ITK: variants seen among roughly 807,000 people sequenced by gnomAD.
The protein encoded by ITK is IL2 inducible T cell kinase.
ITK carries 45 observed loss-of-function variants against 87.6 expected under a neutral mutation model. The observed-to-expected ratio is 0.51, with a 90% CI of 0.40 to 0.66. The LOEUF (loss-of-function observed/expected upper bound fraction) is 0.66, where lower values mean the gene tolerates loss of function less well. ITK is among the 30% of genes least tolerant of loss of function. ITK has a pLI of 0.00. For missense variants in ITK, 605 were observed against 766.3 expected (o/e 0.79, Z 2.48); for synonymous variants, 303 against 273.6 (o/e 1.11, Z -1.06).
At chr5:157,200,576 A>G (rs890436086) in intron 1 of ITK, among the ~76,000 whole-genome samples, 2 of 152,190 alleles carry the variant, frequency 1.3e-5, no homozygotes, top group Non-Finnish European at 2.9e-5. Flanking sequence ...TTTACCAAGT[A>G]TTGGATCTTG....
intron 5 of ITK, among the ~76,000 whole-genome samples, chr5:157,219,113 CT>C (rs397884045): frequency 0.24 from 33,069 of 136,270 alleles, 4,070 homozygotes; most frequent in Admixed American, 0.31. Flanking sequence ...ACTTTTCTTT[CT>C]TTTTTTTTTT....
rs1280975705 is a variant in ITK at position 157,243,748 on chromosome 5, G to A, written c.1186G>A (p.Gly396Arg). The A allele has an allele frequency of 6.2e-7, 1 of 1,613,986 alleles. No homozygotes were observed. Among genetic ancestry groups the A allele is most frequent in the African/African-American group, 1.3e-5 (1 of 74,880 alleles). The change falls in exon 12 of 17, where the codon GGG becomes AGG. Residue 396 changes from glycine to arginine, a missense_variant. Gly to Arg is a moderately radical substitution (Grantham distance 125). This residue lies in a region of ITK where 464 missense variants were observed against 578.0 expected (regional missense o/e 0.80). Coordinates refer to ENST00000422843, the MANE Select transcript of ITK (RefSeq NM_005546.4). ...DKVAIKTIRE[G>R]AMSEEDFIEE... ...GGTGGCTATCAAAACCATTCGGGAA[G>A]GGGCTATGTCAGAAGAGGACTTCAT...
At position 157,237,995 on chromosome 5, in the gene ITK, C is replaced by T. The variant is rs182224139; in HGVS notation, c.769-114C>T. On this transcript the variant is annotated intron_variant, in intron 8 of 16. Transcript: ENST00000422843. ...GTAGCCATTCTTACTGAAATCTGCT[C>T]TATGCCAAGTGGGCCTACAGTATTT... 50 of 762,328 alleles carry T rather than the reference C, an allele frequency of 6.6e-5. No individual in the cohort carries two copies. The African/African-American group carries it at 6.6e-4, about 10-fold the overall frequency. The allele number at this position is 762,328 out of a possible 1,614,324, so 47.2% of individuals were successfully genotyped here. A position where few individuals can be genotyped will look rare whatever the true frequency, so the allele number is the denominator to read the frequency against.
chr5:157,223,061 G>T, intron 6 of ITK, 47 bp downstream of exon 6: 1 of 1,608,160 alleles, frequency 6.2e-7, no homozygotes, highest in South Asian at 1.1e-5. Context: ...GGTGTGGTGC[G>T]AACAAATAAA....
At chr5:157,241,158 G>A in intron 10 of ITK, 1 of 155,906 alleles carries the variant, frequency 6.4e-6, no homozygotes, top group Non-Finnish European at 1.4e-5. Flanking sequence ...GGCTGGTCTT[G>A]AACTCCTGAC....
chr5:157,209,316 G>A (rs141327494), intron 2 of ITK, among the ~76,000 whole-genome samples: 192 of 145,622 alleles, frequency 1.3e-3, no homozygotes, highest in Non-Finnish European at 2.2e-3. Context: ...AGGCAACAGA[G>A]TGAGACTCCG....
chr5:157,251,983 C>T (rs957190082), intron 16 of ITK, among the ~76,000 whole-genome samples: 9 of 151,916 alleles, frequency 5.9e-5, no homozygotes, highest in African/African-American at 1.9e-4. Flanking sequence ...TTTGCCTCTC[C>T]GTATAAATGT....
rs115876242 is a variant in ITK at position 157,183,331 on chromosome 5, C to A, written c.138+2216C>A. On this transcript the variant is annotated intron_variant, in intron 1 of 16. Transcript: ENST00000422843. ...AACATTTTCATTTTTAAATTAAAGG[C>A]TTCATTTTCAATCTGTAAAATGGGT... Among the ~76,000 whole-genome samples, 195 of 152,184 alleles carry A rather than the reference C, an allele frequency of 1.3e-3. 1 individual carries two copies. The highest frequency in any genetic ancestry group is 4.6e-3 in the African/African-American group (190 of 41,514).
chr5:157,188,098 G>A (rs568253380), intron 1 of ITK, among the ~76,000 whole-genome samples: 4 of 152,196 alleles, frequency 2.6e-5, no homozygotes, highest in African/African-American at 9.6e-5. Context: ...ACCATGCCTC[G>A]CCATGCAGAT....
chr5:157,233,956 TATATATA>T (rs1355862687), intron 8 of ITK, among the ~76,000 whole-genome samples: 2 of 30,312 alleles, frequency 6.6e-5, no homozygotes, highest in African/African-American at 2.3e-4. Context: ...TATATATATA[TATATATA>T]TTTTTTTTTT....
intron 1 of ITK, among the ~76,000 whole-genome samples, chr5:157,198,913 C>T (rs1325714028): frequency 6.6e-6 from 1 of 152,098 alleles, no homozygotes; most frequent in Non-Finnish European, 1.5e-5. Context: ...CGGGCATGTG[C>T]CACCACACCT....
chr5:157,197,240 A>G (rs1387229095), intron 1 of ITK, among the ~76,000 whole-genome samples: 1 of 152,156 alleles, frequency 6.6e-6, no homozygotes, highest in Non-Finnish European at 1.5e-5. Flanking sequence ...TTGAACCCCC[A>G]TGGATACAGA....
chr5:157,202,370 T>A (rs940292548), intron 1 of ITK, among the ~76,000 whole-genome samples: 1 of 152,122 alleles, frequency 6.6e-6, no homozygotes, highest in African/African-American at 2.4e-5. Context: ...TGCACCATCA[T>A]GCCCAGCTAA....
chr5:157,191,768 CTTATCTG>C (rs1753757984), intron 1 of ITK, among the ~76,000 whole-genome samples: 1 of 152,064 alleles, frequency 6.6e-6, no homozygotes. Flanking sequence ...AATAGGTGAA[CTTATCTG>C]TTAGCTATGG....
In ITK at chr5:157,252,664, G is replaced by T. The variant is rs571357595; in HGVS notation, c.1849G>T (p.Glu617Ter). ...RLLRQLAEIA[E>*]SGL ...GCTGCGTCAACTGGCTGAAATTGCA[G>T]AATCAGGACTTTAGTAGAGACTGAG... Residue 617 changes from glutamate (E) to a stop codon, truncating the protein, a stop_gained, in exon 17 of 17, where the codon GAA becomes TAA. Transcript: ENST00000422843. LOFTEE classifies it high-confidence loss of function. The T allele has an allele frequency of 6.2e-7, 1 of 1,613,516 alleles. No homozygotes were observed. Among genetic ancestry groups the T allele is most frequent in the African/African-American group, 1.3e-5 (1 of 75,036 alleles).
rs1036346761 is a variant in ITK at position 157,255,084 on chromosome 5, T to A, written c.*2406T>A. 2 of 195,166 alleles carry A rather than the reference T, an allele frequency of 1.0e-5. No individual in the cohort carries two copies. Among genetic ancestry groups the A allele is most frequent in the Non-Finnish European group, 1.1e-5 (1 of 93,796 alleles). The allele number at this position is 195,166 out of a possible 1,614,324, so 12.1% of individuals were successfully genotyped here. ...GTACAGTCACTGCTAGTGTTCAAAA[T>A]AAAAATGTTACAAATACCTGTTATC... On this transcript the variant is annotated 3_prime_UTR_variant, in exon 17 of 17. Transcript: ENST00000422843.
intron 4 of ITK, among the ~76,000 whole-genome samples, chr5:157,217,623 C>A (rs1382079583): frequency 6.6e-6 from 1 of 152,122 alleles, no homozygotes; most frequent in African/African-American, 2.4e-5. Context: ...CGAATATGGA[C>A]TTCTGGAAGC....
At chr5:157,201,456 C>G (rs907717989) in intron 1 of ITK, among the ~76,000 whole-genome samples, 1 of 151,936 alleles carries the variant, frequency 6.6e-6, no homozygotes, top group African/African-American at 2.4e-5. Context: ...TACCACCATG[C>G]CTGGCTAATT....
intron 1 of ITK, among the ~76,000 whole-genome samples, chr5:157,198,079 G>A (rs1446642315): frequency 2.7e-5 from 4 of 150,624 alleles, no homozygotes; most frequent in African/African-American, 4.9e-5. Context: ...GAGACCAGGA[G>A]TTCAAGGCCA....
Sources: gnomAD v4.1 joint callset for allele counts (sites outside exome capture counted in the v4.1 genomes callset) on GRCh38, gnomAD v4.1.1 for gene constraint, gnomAD v4.1.1 regional missense constraint, MANE v1.5 for transcripts, NCBI Gene and HGNC (gene_info 2026-07-23, HGNC 2026-07-21) for gene names.